Variants in SEZ6L observed in about 807,000 individuals in gnomAD.
SEZ6L encodes the protein seizure related 6 homolog like, also known as seizure 6-like protein.
SEZ6L carries 37 observed loss-of-function variants against 106.2 expected under a neutral mutation model. The observed-to-expected ratio is 0.35, with a 90% CI of 0.27 to 0.46. The LOEUF is 0.46. Among genes scored for constraint, SEZ6L ranks in the 20% least tolerant of loss-of-function variants. The probability of loss-of-function intolerance (pLI) is 1.00; values close to 1 mark genes in which losing one functional copy is unlikely to be tolerated. For missense variants in SEZ6L, 1,172 were observed against 1,332.8 expected, an observed-to-expected ratio of 0.88 and a Z score of 1.88; for synonymous variants, 541 against 570.4, an observed-to-expected ratio of 0.95 and a Z score of 0.73.
intron 12 of SEZ6L, among the ~76,000 whole-genome samples, chr22:26,351,672 G>A (rs1044605865): frequency 3.3e-5 from 5 of 152,092 alleles, no homozygotes; most frequent in Admixed American, 6.5e-5. Flanking sequence ...TCAGCCTCCC[G>A]AGTAGCTGGG....
Position 26,380,588 on chromosome 22 carries a change from C to T in SEZ6L, c.*293C>T, listed in dbSNP as rs2084383647. The T allele has an allele frequency of 5.7e-6, 2 of 350,754 alleles. No homozygotes were observed. The highest frequency in any genetic ancestry group is 1.1e-5 in the Non-Finnish European group (2 of 190,292). The allele number at this position is 350,754 out of a possible 1,614,324, so 21.7% of individuals were successfully genotyped here. A position where few individuals can be genotyped will look rare whatever the true frequency, so the allele number is the denominator to read the frequency against. On this transcript the variant is annotated 3_prime_UTR_variant, in exon 17 of 17. Transcript: ENST00000248933. ...CCGCGGCAGCAAAAACACAAAACAG[C>T]AGATGGAGTTTCTCCCATCAGCAAT...
Position 26,383,139 on chromosome 22 carries a change from C to G in SEZ6L, c.*2844C>G, listed in dbSNP as rs547206303. On this transcript the variant is annotated 3_prime_UTR_variant, in exon 17 of 17. Transcript: ENST00000248933. ...TTCTGATTGCTACCTGATGGCCATT[C>G]TTACTTAGTTTCATAGATGTGCTTT... 4 of 137,210 alleles carry G rather than the reference C, an allele frequency of 2.9e-5. No individual in the cohort carries two copies. The highest frequency in any genetic ancestry group is 5.5e-5 in the African/African-American group (2 of 36,510). The allele number at this position is 137,210 out of a possible 1,614,324, so 8.5% of individuals were successfully genotyped here.
chr22:26,261,475 T>G (rs6004980), intron 1 of SEZ6L, among the ~76,000 whole-genome samples: 5,813 of 152,292 alleles, frequency 0.038, 367 homozygotes, highest in African/African-American at 0.13. Context: ...CCAGCGCCAT[T>G]TGTTGTGTAG....
chr22:26,201,166 G>A (rs756031015), intron 1 of SEZ6L, among the ~76,000 whole-genome samples: 3 of 152,020 alleles, frequency 2.0e-5, no homozygotes, highest in Non-Finnish European at 2.9e-5. Context: ...CTCAGAGCCC[G>A]AGCCTCTGGC....
intron 1 of SEZ6L, among the ~76,000 whole-genome samples, chr22:26,200,304 A>G (rs1376635316): frequency 2.0e-5 from 3 of 151,914 alleles, no homozygotes; most frequent in Non-Finnish European, 4.4e-5. Flanking sequence ...ATGCCTGTGT[A>G]TGTGTGTTTG....
chr22:26,195,178 C>G (rs1312478013), intron 1 of SEZ6L, among the ~76,000 whole-genome samples: 1 of 152,202 alleles, frequency 6.6e-6, no homozygotes, highest in African/African-American at 2.4e-5. Context: ...GCTTACCTGA[C>G]GTGCCACCTC....
At chr22:26,246,985 T>C (rs1011663029) in intron 1 of SEZ6L, among the ~76,000 whole-genome samples, 1 of 152,224 alleles carries the variant, frequency 6.6e-6, no homozygotes, top group African/African-American at 2.4e-5. Flanking sequence ...GCGAACGTGC[T>C]TTGCAGACTC....
intron 6 of SEZ6L, among the ~76,000 whole-genome samples, 155 bp downstream of exon 6, chr22:26,306,299 G>A (rs2081630483): frequency 6.6e-6 from 1 of 152,202 alleles, no homozygotes; most frequent in African/African-American, 2.4e-5. Context: ...GACACCATCA[G>A]CTTCAATCTC....
At chr22:26,268,868 G>A (rs938053963) in intron 1 of SEZ6L, among the ~76,000 whole-genome samples, 4 of 152,180 alleles carry the variant, frequency 2.6e-5, no homozygotes, top group African/African-American at 9.6e-5. Flanking sequence ...AAAGCAAGAT[G>A]TGTCTGAAGA....
At chr22:26,238,226 C>T (rs2079009378) in intron 1 of SEZ6L, among the ~76,000 whole-genome samples, 1 of 152,182 alleles carries the variant, frequency 6.6e-6, no homozygotes, top group South Asian at 2.1e-4. Context: ...AGGTTGTGTC[C>T]TAGAAGGGTT....
chr22:26,194,176 TGA>T (rs1389859171), intron 1 of SEZ6L, among the ~76,000 whole-genome samples: 1 of 152,212 alleles, frequency 6.6e-6, no homozygotes, highest in Non-Finnish European at 1.5e-5. Flanking sequence ...ACTTTGGGGC[TGA>T]AAGCAACCTT....
intron 1 of SEZ6L, among the ~76,000 whole-genome samples, chr22:26,266,401 A>AT (rs2080181420): frequency 6.8e-6 from 1 of 147,986 alleles, no homozygotes; most frequent in Admixed American, 6.7e-5. Context: ...TCTACTAAAA[A>AT]AAAAAAAAAA....
chr22:26,303,033 C>G (rs1193353605), intron 5 of SEZ6L, among the ~76,000 whole-genome samples: 1 of 152,272 alleles, frequency 6.6e-6, no homozygotes, highest in Non-Finnish European at 1.5e-5. Flanking sequence ...TTTCTCACTA[C>G]TGTCCTATAA....
At chr22:26,252,925 T>C (rs1350453481) in intron 1 of SEZ6L, among the ~76,000 whole-genome samples, 2 of 152,242 alleles carry the variant, frequency 1.3e-5, no homozygotes, top group East Asian at 3.8e-4. Context: ...TATTTTCTTT[T>C]GGATATATGC....
At chr22:26,354,034 A>G (rs1173008338) in intron 12 of SEZ6L, among the ~76,000 whole-genome samples, 1 of 151,598 alleles carries the variant, frequency 6.6e-6, no homozygotes, top group Admixed American at 6.6e-5. Context: ...TTGATTGGAC[A>G]GAGTGTCTTC....
Position 26,293,144 on chromosome 22 carries a change from CAGG to C in SEZ6L, c.834_835+1del. On this transcript the variant is annotated splice_donor_variant and coding_sequence_variant, in exon 2 of 17. Transcript: ENST00000248933. LOFTEE classifies it high-confidence loss of function. The stretch of plus-strand genomic sequence containing the variant: ...ACGGTCATCACCACCGAGCAGGCAC[CAGG>C]TATGCAGCCCCCAACTCCTGAAGCC... 4.6e-6 allele frequency: 7 copies of C among 1,524,168 alleles called. No homozygotes were observed. The highest frequency in any genetic ancestry group is 6.1e-6 in the Non-Finnish European group (7 of 1,144,122). 94.4% of individuals were successfully genotyped at this position (1,524,168 alleles called of 1,614,324 possible).
chr22:26,247,492 G>A (rs1005678334), intron 1 of SEZ6L, among the ~76,000 whole-genome samples: 3 of 152,172 alleles, frequency 2.0e-5, no homozygotes, highest in Non-Finnish European at 2.9e-5. Flanking sequence ...AAGATGCAGA[G>A]AGACACACTC....
At chr22:26,181,858 TA>T (rs1939419564) in intron 1 of SEZ6L, among the ~76,000 whole-genome samples, 1 of 152,222 alleles carries the variant, frequency 6.6e-6, no homozygotes, top group African/African-American at 2.4e-5. Context: ...CAAGAAATTC[TA>T]AAAAATGCAT....
chr22:26,359,083 C>G (rs553323048), intron 12 of SEZ6L, among the ~76,000 whole-genome samples: 1 of 152,290 alleles, frequency 6.6e-6, no homozygotes. Flanking sequence ...CAAGGTGGTG[C>G]AGCAGACACA....
Sources: gnomAD v4.1 joint callset for allele counts (sites outside exome capture counted in the v4.1 genomes callset) on GRCh38, gnomAD v4.1.1 for gene constraint, MANE v1.5 for transcripts, NCBI Gene and HGNC (gene_info 2026-07-23, HGNC 2026-07-21) for gene names.